Variants in SMAD2 observed in about 807,000 individuals in gnomAD.
SMAD2 encodes SMAD family member 2.
SMAD2 carries 8 observed loss-of-function variants against 64.4 expected under a neutral mutation model. That is an observed-to-expected ratio of 0.12 (90% CI 0.07 to 0.22). The LOEUF is 0.22. SMAD2 is among the 10% of genes least tolerant of loss of function. The probability of loss-of-function intolerance (pLI) is 1.00; values close to 1 mark genes in which losing one functional copy is unlikely to be tolerated. For synonymous variants in SMAD2, 203 were observed against 195.8 expected, an observed-to-expected ratio of 1.04 and a Z score of -0.31; for missense variants, 289 against 561.2, an observed-to-expected ratio of 0.51 and a Z score of 4.90.
Position 47,821,109 on chromosome 18 carries a change from T to G in SMAD2, c.*20718A>C, listed in dbSNP as rs1186800871. 1.3e-5 allele frequency: 2 copies of G among 152,176 alleles called. No individual in the cohort carries two copies. The highest frequency in any genetic ancestry group is 4.8e-5 in the African/African-American group (2 of 41,454). 9.4% of individuals were successfully genotyped at this position (152,176 alleles called of 1,614,324 possible). On this transcript the variant is annotated 3_prime_UTR_variant, in exon 11 of 11. Transcript: ENST00000262160. ...CGTTTAATTTCCCCTAGATTCAGGT[T>G]AGAAAGGCTGTCTTTTTTCATTTAA...
chr18:47,901,204 C>G (rs764917511), intron 1 of SMAD2, among the ~76,000 whole-genome samples: 1 of 151,910 alleles, frequency 6.6e-6, no homozygotes, highest in Non-Finnish European at 1.5e-5. Flanking sequence ...TTACTGGGTA[C>G]ACATAAAGGA....
At chr18:47,880,144 T>G in intron 2 of SMAD2, among the ~76,000 whole-genome samples, 1 of 152,228 alleles carries the variant, frequency 6.6e-6, no homozygotes, top group East Asian at 1.9e-4. Context: ...ATAATATGTT[T>G]TGTATACCAA....
At chr18:47,895,935 T>A (rs1358345349) in intron 2 of SMAD2, among the ~76,000 whole-genome samples, 1 of 152,194 alleles carries the variant, frequency 6.6e-6, no homozygotes, top group Non-Finnish European at 1.5e-5. Flanking sequence ...AAACAATACT[T>A]ATGACAGTGG....
chr18:47,851,483 A>C (rs1453095411), intron 6 of SMAD2, among the ~76,000 whole-genome samples, 156 bp from the exon 7 acceptor site: 1 of 138,240 alleles, frequency 7.2e-6, no homozygotes, highest in African/African-American at 2.7e-5. Context: ...AATTTAGTTT[A>C]ATTTGTGGGG....
At chr18:47,866,717 A>G (rs566131813) in intron 5 of SMAD2, 1 of 152,292 alleles carries the variant, frequency 6.6e-6, no homozygotes, top group African/African-American at 2.4e-5. Flanking sequence ...AAATGTTAAA[A>G]TTTCTTTTAA....
chr18:47,905,333 T>C (rs1017989111), intron 1 of SMAD2, among the ~76,000 whole-genome samples: 1 of 152,178 alleles, frequency 6.6e-6, no homozygotes, highest in African/African-American at 2.4e-5. Context: ...ATCATGTTCA[T>C]AGACTTGAAG....
intron 7 of SMAD2, among the ~76,000 whole-genome samples, chr18:47,849,112 CAAAGAA>C (rs1914824935): frequency 6.6e-6 from 1 of 151,868 alleles, no homozygotes; most frequent in African/African-American, 2.4e-5. Context: ...AAAAGCCACA[CAAAGAA>C]AAACAGTAAT....
In SMAD2 at chr18:47,830,982, A is replaced by G. The variant is rs750346637; in HGVS notation, c.*10845T>C. 2 of 152,416 alleles carry G rather than the reference A, an allele frequency of 1.3e-5. No individual in the cohort carries two copies. The highest frequency in any genetic ancestry group is 2.9e-5 in the Non-Finnish European group (2 of 68,180). The allele number at this position is 152,416 out of a possible 1,614,324, so 9.4% of individuals were successfully genotyped here. On this transcript the variant is annotated 3_prime_UTR_variant, in exon 11 of 11. Coordinates refer to ENST00000262160, the MANE Select transcript of SMAD2 (RefSeq NM_005901.6). ...AATACACACACACACACTAGGGTTT[A>G]TATGTAGCAACTTCCTCATCCTCAT...
Position 47,817,245 on chromosome 18 carries a change from T to A in SMAD2, c.*24582A>T, listed in dbSNP as rs1912403801. ...ACAGGAGCCCTTTGGGCTCTCCGCT[T>A]ACATAGCTTGTCTGTTCTGCCCCAG... On this transcript the variant is annotated 3_prime_UTR_variant, in exon 11 of 11. Transcript: ENST00000262160. 1 of 152,206 alleles carries A rather than the reference T, an allele frequency of 6.6e-6. No homozygotes were observed. 9.4% of individuals were successfully genotyped at this position (152,206 alleles called of 1,614,324 possible).
chr18:47,882,040 G>GTTTTTTTTT (rs1568078973), intron 2 of SMAD2, among the ~76,000 whole-genome samples: 4 of 37,326 alleles, frequency 1.1e-4, no homozygotes, highest in African/African-American at 2.9e-4. Flanking sequence ...ACCACGCTTG[G>GTTTTTTTTT]CTTTTTTTTT....
chr18:47,823,238 G>GATTTAAAAAC lies in SMAD2; in HGVS notation c.*18588_*18589insGTTTTTAAAT, dbSNP rs1912633838. 6.6e-6 allele frequency: 1 copy of GATTTAAAAAC among 152,126 alleles called. No individual in the cohort carries two copies. The highest frequency in any genetic ancestry group is 2.4e-5 in the African/African-American group (1 of 41,420). The allele number at this position is 152,126 out of a possible 1,614,324, so 9.4% of individuals were successfully genotyped here. ...AAAATCTAAAGTCTACCTTGACTTAGCTTCTTAGCCTCAAGGAGGTTTTTA... is the reference window on the plus strand; with the variant it reads ...AAAATCTAAAGTCTACCTTGACTTAGATTTAAAAACCTTCTTAGCCTCAAGGAGGTTTTTA... On this transcript the variant is annotated 3_prime_UTR_variant, in exon 11 of 11. Transcript: ENST00000262160.
chr18:47,885,180 CACAT>C lies in SMAD2; in HGVS notation c.236+11337_236+11340del, dbSNP rs1369193089. Reference sequence around the variant, plus strand: ...ACACACACACACACACACACACACACACATATACCCTCCCCCCCCAAGACAGTCT... The same window carrying C: ...ACACACACACACACACACACACACACATACCCTCCCCCCCCAAGACAGTCT... On this transcript the variant is annotated intron_variant, in intron 2 of 10. Transcript: ENST00000262160. Among the ~76,000 whole-genome samples the C allele has an allele frequency of 1.5e-3, 205 of 140,142 alleles. 1 individual carries two copies. The highest frequency in any genetic ancestry group is 2.6e-3 in the Admixed American group (36 of 13,754). The allele number at this position is 140,142 out of a possible 152,430, so 91.9% of individuals were successfully genotyped here. A position where few individuals can be genotyped will look rare whatever the true frequency, so the allele number is the denominator to read the frequency against.
chr18:47,835,452 G>C lies in SMAD2; in HGVS notation c.*6375C>G, dbSNP rs561286284. On this transcript the variant is annotated 3_prime_UTR_variant, in exon 11 of 11. Transcript: ENST00000262160. ...TTCTCATCAAATTTTTTTTCAGCTC[G>C]AACAATCCAAGATTGGGAATAGTAA... The C allele has an allele frequency of 1.1e-3, 230 of 200,050 alleles. 1 individual carries two copies. Among genetic ancestry groups the C allele is most frequent in the African/African-American group, 4.9e-3 (214 of 43,532 alleles). The allele number at this position is 200,050 out of a possible 1,614,324, so 12.4% of individuals were successfully genotyped here. A position where few individuals can be genotyped will look rare whatever the true frequency, so the allele number is the denominator to read the frequency against.
intron 1 of SMAD2, among the ~76,000 whole-genome samples, chr18:47,916,871 GC>G (rs1239176313): frequency 2.0e-5 from 3 of 152,170 alleles, no homozygotes; most frequent in Non-Finnish European, 2.9e-5. Flanking sequence ...CAGTTTGTCT[GC>G]AGTTATACCA....
chr18:47,814,562 G>C lies in SMAD2; in HGVS notation c.*27265C>G, dbSNP rs779546067. The C allele has an allele frequency of 6.6e-6, 1 of 152,230 alleles. No individual in the cohort carries two copies. The highest frequency in any genetic ancestry group is 1.5e-5 in the Non-Finnish European group (1 of 68,044). 9.4% of individuals were successfully genotyped at this position (152,230 alleles called of 1,614,324 possible). ...GGAGAGATTGATTGAGATTGCAATT[G>C]CCCTGTTGGGAAATAAACGGAAACT... is the stretch of plus-strand genomic sequence containing the variant. On this transcript the variant is annotated 3_prime_UTR_variant, in exon 11 of 11. Coordinates refer to ENST00000262160, the MANE Select transcript of SMAD2 (RefSeq NM_005901.6).
chr18:47,865,896 T>C (rs1055753959), intron 5 of SMAD2, among the ~76,000 whole-genome samples: 1 of 152,312 alleles, frequency 6.6e-6, no homozygotes, highest in East Asian at 1.9e-4. Context: ...ATGTATACAA[T>C]TTAATCAACT....
At position 47,903,881 on chromosome 18, in the gene SMAD2, G is replaced by GC. The variant is rs769458014; in HGVS notation, c.-53-7073_-53-7072insG. Among the ~76,000 whole-genome samples, 283 of 142,614 alleles carry GC rather than the reference G, an allele frequency of 2.0e-3. 20 individuals are homozygous for GC. The highest frequency in any genetic ancestry group is 3.3e-3 in the Non-Finnish European group (217 of 64,912). The allele number at this position is 142,614 out of a possible 152,430, so 93.6% of individuals were successfully genotyped here. On this transcript the variant is annotated intron_variant, in intron 1 of 10. Coordinates refer to ENST00000262160, the MANE Select transcript of SMAD2 (RefSeq NM_005901.6). ...CAAAGAGGGAAAAAACAGTGTGGGG[G>GC]GGGGGGGGACTCAGAATATCCAAAA... is the stretch of plus-strand genomic sequence containing the variant.
At chr18:47,902,665 G>A (rs2033732578) in intron 1 of SMAD2, among the ~76,000 whole-genome samples, 1 of 152,108 alleles carries the variant, frequency 6.6e-6, no homozygotes, top group African/African-American at 2.4e-5. Context: ...TTCTGATTAG[G>A]ACGTAGAAAG....
Position 47,840,746 on chromosome 18 carries a change from G to A in SMAD2, c.*1081C>T, listed in dbSNP as rs1359411156. 4.3e-6 allele frequency: 1 copy of A among 231,236 alleles called. No individual in the cohort carries two copies. The highest frequency in any genetic ancestry group is 8.6e-6 in the Non-Finnish European group (1 of 116,956). 14.3% of individuals were successfully genotyped at this position (231,236 alleles called of 1,614,324 possible). ...AATCAAACTACTCGAAGAGCAGAAG[G>A]TCTGCTGTTGAAATATTGTAAAATA... On this transcript the variant is annotated 3_prime_UTR_variant, in exon 11 of 11. Coordinates refer to ENST00000262160, the MANE Select transcript of SMAD2 (RefSeq NM_005901.6).
Sources: allele counts gnomAD v4.1 joint callset (sites outside exome capture counted in the v4.1 genomes callset), GRCh38; gene constraint gnomAD v4.1.1; transcripts MANE v1.5; gene names NCBI Gene and HGNC (gene_info 2026-07-23, HGNC 2026-07-21).